FRMPD4: variants seen among roughly 807,000 people sequenced by gnomAD.
The protein encoded by FRMPD4 is FERM and PDZ domain-containing protein 4.
In FRMPD4, 22 loss-of-function variants were observed where a neutral mutation model predicts 94.1. The observed-to-expected ratio is 0.23, with a 90% CI of 0.17 to 0.33. FRMPD4 has a LOEUF of 0.33. Ranked by LOEUF, FRMPD4 falls within the 10% of genes least tolerant of loss-of-function variation. FRMPD4 has a pLI of 1.00. For synonymous variants in FRMPD4, 631 were observed against 548.6 expected (o/e 1.15, Z -2.10); for missense variants, 1,111 against 1,339.9 (o/e 0.83, Z 2.67).
intron 1 of FRMPD4, among the ~76,000 whole-genome samples, chrX:12,477,789 G>A (rs943705325): frequency 8.9e-6 from 1 of 112,514 alleles, no homozygotes; most frequent in Non-Finnish European, 1.9e-5. Flanking sequence ...TGACTGTTTT[G>A]ATGAGCTATC....
chrX:11,964,719 A>T (rs2054301503), intron 3 of FRMPD4, among the ~76,000 whole-genome samples: 1 of 112,598 alleles, frequency 8.9e-6, no homozygotes, highest in Non-Finnish European at 1.9e-5. Context: ...GTCCTGTGTC[A>T]GTTGTCTATT....
chrX:12,706,832 G>T lies in FRMPD4; in HGVS notation c.1204G>T (p.Ala402Ser). Reference sequence around the variant, plus strand: ...GTTTCTTTTCTCTCCTCAGCTCTCTGCACTACAAGCCAAGGTCCATTATCT... The same window carrying T: ...GTTTCTTTTCTCTCCTCAGCTCTCTTCACTACAAGCCAAGGTCCATTATCT... Reference protein sequence around the residue: ...NLVPPGKKLSALQAKVHYLKF... With the variant: ...NLVPPGKKLSSLQAKVHYLKF... The change falls in exon 12 of 17, where the codon GCA becomes TCA. Residue 402 changes from alanine to serine, a missense_variant. Transcript: ENST00000675598. The T allele has an allele frequency of 8.7e-7, 1 of 1,150,506 alleles. No individual in the cohort carries two copies. The allele number at this position is 1,150,506 out of a possible 1,213,427, so 94.8% of individuals were successfully genotyped here.
chrX:12,277,653 C>T (rs779040728), intron 1 of FRMPD4, among the ~76,000 whole-genome samples: 1 of 111,873 alleles, frequency 8.9e-6, no homozygotes, highest in African/African-American at 3.2e-5. Context: ...CCAGAGTACC[C>T]TTCTAGGACC....
intron 4 of FRMPD4, among the ~76,000 whole-genome samples, chrX:12,631,547 C>CT (rs1201608996): frequency 9.1e-6 from 1 of 110,340 alleles, no homozygotes; most frequent in Non-Finnish European, 1.9e-5. Flanking sequence ...CTCCCCTAGC[C>CT]CCCCACCCCA....
intron 3 of FRMPD4, among the ~76,000 whole-genome samples, chrX:12,033,917 G>C (rs1051987206): frequency 9.0e-6 from 1 of 111,730 alleles, no homozygotes; most frequent in Non-Finnish European, 1.9e-5. Flanking sequence ...GGCTGGTCTC[G>C]AACTCCTGAC....
At chrX:12,008,634 T>A (rs754330905) in intron 3 of FRMPD4, among the ~76,000 whole-genome samples, 5 of 112,084 alleles carry the variant, frequency 4.5e-5, no homozygotes, top group Non-Finnish European at 7.5e-5. Flanking sequence ...AATTAAGATG[T>A]TGGGGTGTAG....
At chrX:12,463,244 G>GC (rs1266992787) in intron 1 of FRMPD4, among the ~76,000 whole-genome samples, 4 of 111,016 alleles carry the variant, frequency 3.6e-5, no homozygotes, top group Non-Finnish European at 7.5e-5. Context: ...TGAGCAGGGC[G>GC]CCCCCCACTG....
At chrX:12,094,374 C>G (rs2055180799) in intron 3 of FRMPD4, among the ~76,000 whole-genome samples, 1 of 112,209 alleles carries the variant, frequency 8.9e-6, no homozygotes, top group South Asian at 3.8e-4. Context: ...CTCTCCTTGA[C>G]CAAATTCTGG....
At chrX:12,145,038 G>A (rs771755286) in intron 1 of FRMPD4, among the ~76,000 whole-genome samples, 29 of 111,051 alleles carry the variant, frequency 2.6e-4, no homozygotes, top group Non-Finnish European at 4.9e-4. Flanking sequence ...TTACTATAGG[G>A]TTTTAATTTT....
intron 2 of FRMPD4, among the ~76,000 whole-genome samples, chrX:12,538,922 C>A (rs1437280231): frequency 9.0e-6 from 1 of 111,218 alleles, no homozygotes; most frequent in African/African-American, 3.2e-5. Flanking sequence ...AGGAATAGAG[C>A]TGGAGCTGGA....
chrX:12,381,656 T>C (rs923585888), intron 1 of FRMPD4, among the ~76,000 whole-genome samples: 1 of 111,981 alleles, frequency 8.9e-6, no homozygotes, highest in African/African-American at 3.3e-5. Context: ...AGCGGGACTT[T>C]CCAGAAGACC....
chrX:11,957,065 T>C (rs982364164), intron 3 of FRMPD4, among the ~76,000 whole-genome samples: 3 of 112,155 alleles, frequency 2.7e-5, no homozygotes, highest in Non-Finnish European at 5.6e-5. Context: ...TCATGGGAAA[T>C]AGGACAAGAA....
At chrX:12,178,173 A>T (rs1197849734) in intron 1 of FRMPD4, among the ~76,000 whole-genome samples, 2 of 111,669 alleles carry the variant, frequency 1.8e-5, no homozygotes. Flanking sequence ...ATACAGCAAG[A>T]AGGCACCATC....
At chrX:12,420,744 TGTGATGGC>T (rs1385133739) in intron 1 of FRMPD4, among the ~76,000 whole-genome samples, 1 of 112,447 alleles carries the variant, frequency 8.9e-6, no homozygotes, top group Non-Finnish European at 1.9e-5. Flanking sequence ...ATGTGTGCTC[TGTGATGGC>T]GTTTGTCAAT....
chrX:12,370,233 G>A (rs1050365755), intron 1 of FRMPD4, among the ~76,000 whole-genome samples: 1 of 111,922 alleles, frequency 8.9e-6, no homozygotes, highest in Non-Finnish European at 1.9e-5. Flanking sequence ...CACTTTGGGA[G>A]GCCGAGGCAG....
chrX:11,985,549 A>G (rs1424058549), intron 3 of FRMPD4, among the ~76,000 whole-genome samples: 2 of 111,964 alleles, frequency 1.8e-5, no homozygotes, highest in Non-Finnish European at 3.8e-5. Flanking sequence ...TTGTTTTGTA[A>G]CATAGGTACC....
At chrX:11,827,087 A>ATATAAAT (rs58743575) in intron 1 of FRMPD4, among the ~76,000 whole-genome samples, 1 of 83,297 alleles carries the variant, frequency 1.2e-5, no homozygotes, top group Admixed American at 1.4e-4. Flanking sequence ...TATATATATA[A>ATATAAAT]AATATATATG....
intron 2 of FRMPD4, among the ~76,000 whole-genome samples, chrX:12,574,314 T>G (rs939313457): frequency 8.9e-6 from 1 of 112,259 alleles, no homozygotes; most frequent in Non-Finnish European, 1.9e-5. Context: ...ATTGTTATTT[T>G]AATGAATTAG....
At chrX:12,330,951 A>AT (rs1243884846) in intron 1 of FRMPD4, among the ~76,000 whole-genome samples, 5 of 111,699 alleles carry the variant, frequency 4.5e-5, no homozygotes, top group South Asian at 7.5e-4. Context: ...ATTAGCAAAT[A>AT]TTTTTTGTAA....
Sources: allele counts gnomAD v4.1 joint callset (sites outside exome capture counted in the v4.1 genomes callset), GRCh38; gene constraint gnomAD v4.1.1; transcripts MANE v1.5; gene names NCBI Gene and HGNC (gene_info 2026-07-23, HGNC 2026-07-21).